CNTN4: variants seen among roughly 807,000 people sequenced by gnomAD.
CNTN4 encodes contactin-4.
In CNTN4, 77 loss-of-function variants were observed where a neutral mutation model predicts 122.5. That is an observed-to-expected ratio of 0.63 (90% CI 0.52 to 0.76). The LOEUF is 0.76. Among genes scored for constraint, CNTN4 ranks in the 30% least tolerant of loss-of-function variants. CNTN4 has a pLI of 0.00. For missense variants in CNTN4, 1,256 were observed against 1,259.1 expected (o/e 1.00, Z 0.04); for synonymous variants, 512 against 447.0 (o/e 1.15, Z -1.83).
chr3:2,586,133 C>A (rs2616570), intron 4 of CNTN4, among the ~76,000 whole-genome samples: 68,747 of 151,876 alleles, frequency 0.45, 16,266 homozygotes, highest in East Asian at 0.54. Flanking sequence ...TAAATTGGGT[C>A]AAGTAAGTGG....
At chr3:2,417,489 C>T (rs538477928) in intron 3 of CNTN4, among the ~76,000 whole-genome samples, 1 of 152,336 alleles carries the variant, frequency 6.6e-6, no homozygotes, top group African/African-American at 2.4e-5. Flanking sequence ...TGAATTTCTG[C>T]TTCATTCCGA....
rs1163532376 is a variant in CNTN4 at position 3,034,627 on chromosome 3, C to T, written c.1784-5C>T. 1.9e-6 allele frequency: 3 copies of T among 1,614,044 alleles called. No homozygotes were observed. The highest frequency in any genetic ancestry group is 1.7e-6 in the Non-Finnish European group (2 of 1,179,976). On this transcript the variant is annotated splice_region_variant and splice_polypyrimidine_tract_variant and intron_variant, in intron 16 of 24. Transcript: ENST00000418658. ...TCCAATTCTGGGGGTCTTGCTCTTT[C>T]CCAGGTCCTCCAGGTCCCCCAGAGG...
rs183838094 is a variant in CNTN4 at position 2,915,764 on chromosome 3, G to A, written c.1208-9865G>A. Among the ~76,000 whole-genome samples, 1,458 of 152,310 alleles carry A rather than the reference G, an allele frequency of 9.6e-3. 20 individuals carry two copies. Among genetic ancestry groups the A allele is most frequent in the Non-Finnish European group, 0.011 (742 of 68,032 alleles). ...GATTTGCACACCTATATTAATTGCAGTATTATTCACAATAGTCAGGAGGTG... is the reference window on the plus strand; with the variant it reads ...GATTTGCACACCTATATTAATTGCAATATTATTCACAATAGTCAGGAGGTG... On this transcript the variant is annotated intron_variant, in intron 12 of 24. Transcript: ENST00000418658.
chr3:2,435,030 G>A (rs2048211109), intron 3 of CNTN4, among the ~76,000 whole-genome samples: 2 of 152,094 alleles, frequency 1.3e-5, no homozygotes, highest in South Asian at 4.1e-4. Context: ...CTATTTCTGT[G>A]TCTTTCCAAA....
At chr3:3,055,535 T>C (rs1173661010) in intron 24 of CNTN4, among the ~76,000 whole-genome samples, 1 of 152,162 alleles carries the variant, frequency 6.6e-6, no homozygotes, top group Non-Finnish European at 1.5e-5. Context: ...ATGAAAAGTG[T>C]AAGACCCATA....
At position 2,970,747 on chromosome 3, in the gene CNTN4, A is replaced by G. The variant is rs115152347; in HGVS notation, c.1359-17598A>G. Among the ~76,000 whole-genome samples the G allele has an allele frequency of 5.6e-3, 854 of 152,222 alleles. 5 individuals carry two copies. The highest frequency in any genetic ancestry group is 0.031 in the Middle Eastern group (9 of 294). On this transcript the variant is annotated intron_variant, in intron 13 of 24. Transcript: ENST00000418658. The stretch of plus-strand genomic sequence containing the variant: ...AAGCATGAACCACCATGCCCAGCCA[A>G]TTAACACATATTTTGTATGTTATAT...
chr3:2,291,579 C>T (rs2042136191), intron 2 of CNTN4, among the ~76,000 whole-genome samples: 1 of 151,938 alleles, frequency 6.6e-6, no homozygotes, highest in Non-Finnish European at 1.5e-5. Flanking sequence ...TTCTATATTT[C>T]ACCATAGGAT....
In CNTN4 at chr3:2,709,877, G is replaced by A. The variant is rs571604873; in HGVS notation, c.56-26338G>A. Among the ~76,000 whole-genome samples, 1 of 152,098 alleles carries A rather than the reference G, an allele frequency of 6.6e-6. No homozygotes were observed. Among genetic ancestry groups the A allele is most frequent in the Non-Finnish European group, 1.5e-5 (1 of 67,980 alleles). On this transcript the variant is annotated intron_variant, in intron 4 of 24. Coordinates refer to ENST00000418658, the MANE Select transcript of CNTN4 (RefSeq NM_175607.3). This position sits in a 1 kb window ranked among gnomAD's most constrained non-coding sequence, Gnocchi z 5.0. Reference sequence around the variant, plus strand: ...ACTGCGCCACTGCACTCCAGCCTGGGTGACAGGGCAAGACCCTGTCTCAAA... The same window carrying A: ...ACTGCGCCACTGCACTCCAGCCTGGATGACAGGGCAAGACCCTGTCTCAAA...
chr3:2,466,674 A>G (rs1338996475), intron 3 of CNTN4, among the ~76,000 whole-genome samples: 1 of 152,164 alleles, frequency 6.6e-6, no homozygotes, highest in Non-Finnish European at 1.5e-5. Flanking sequence ...GGTGTCATAC[A>G]TGCATTTTGA....
chr3:2,595,247 A>G (rs906666641), intron 4 of CNTN4, among the ~76,000 whole-genome samples: 3 of 152,206 alleles, frequency 2.0e-5, no homozygotes, highest in African/African-American at 7.2e-5. Flanking sequence ...AATAAATTTC[A>G]TGGTAAAATA....
At position 2,104,948 on chromosome 3, in the gene CNTN4, G is replaced by A. The variant is rs1328450290; in HGVS notation, c.-145+4309G>A. ...TCCCATTCTTAGTGCATATGGTCTG[G>A]GTGGGATTCCGTTTCCCATTTAAGG... On this transcript the variant is annotated intron_variant, in intron 2 of 24. Transcript: ENST00000418658. Among the ~76,000 whole-genome samples, 5 of 152,076 alleles carry A rather than the reference G, an allele frequency of 3.3e-5. 1 individual carries two copies. Among genetic ancestry groups the A allele is most frequent in the Admixed American group, 3.3e-4 (5 of 15,268 alleles).
intron 13 of CNTN4, among the ~76,000 whole-genome samples, chr3:2,974,519 G>A (rs1342682916): frequency 2.6e-5 from 4 of 152,188 alleles, no homozygotes; most frequent in Non-Finnish European, 5.9e-5. Flanking sequence ...ATGGCAGTCT[G>A]GAGCCCAGAG....
intron 4 of CNTN4, among the ~76,000 whole-genome samples, chr3:2,705,876 A>G (rs867722942): frequency 1.1e-5 from 1 of 89,082 alleles, no homozygotes; most frequent in Non-Finnish European, 2.0e-5. Flanking sequence ...TATAATATAT[A>G]TTTTTTATAT....
At chr3:2,218,563 C>T (rs1249304937) in intron 2 of CNTN4, among the ~76,000 whole-genome samples, 1 of 152,156 alleles carries the variant, frequency 6.6e-6, no homozygotes, top group African/African-American at 2.4e-5. Context: ...TTTTTTGACA[C>T]ATAGCCAAGT....
rs771879678 is a variant in CNTN4 at position 2,745,516 on chromosome 3, C to T, written c.183-6C>T. On this transcript the variant is annotated splice_region_variant and splice_polypyrimidine_tract_variant and intron_variant, in intron 5 of 24. Coordinates refer to ENST00000418658, the MANE Select transcript of CNTN4 (RefSeq NM_175607.3). ...GACTTTATCTACTGGCATTTTTATA[C>T]TATAGGTGGAAGTTAAATGGAACAG... 17 of 1,611,238 alleles carry T rather than the reference C, an allele frequency of 1.1e-5. No individual in the cohort carries two copies. The East Asian group carries it at 3.8e-4, about 36-fold the overall frequency.
chr3:3,047,843 G>T (rs1037761472), intron 23 of CNTN4, among the ~76,000 whole-genome samples: 21 of 151,848 alleles, frequency 1.4e-4, no homozygotes, highest in African/African-American at 5.1e-4. Flanking sequence ...CCAGGAGCTG[G>T]TTTTTTGAAA....
chr3:2,328,647 C>T (rs1009073732), intron 2 of CNTN4, among the ~76,000 whole-genome samples: 1 of 148,998 alleles, frequency 6.7e-6, no homozygotes, highest in African/African-American at 2.5e-5. Context: ...CAACCAACTG[C>T]GGATCAATAA....
intron 2 of CNTN4, among the ~76,000 whole-genome samples, chr3:2,319,121 G>T (rs984786050): frequency 6.6e-6 from 1 of 152,080 alleles, no homozygotes; most frequent in East Asian, 1.9e-4. Context: ...AAGGAAGGAC[G>T]ATTCAAAAGG....
intron 3 of CNTN4, among the ~76,000 whole-genome samples, chr3:2,339,512 T>G (rs1236748004): frequency 6.6e-6 from 1 of 152,186 alleles, no homozygotes; most frequent in Non-Finnish European, 1.5e-5. Context: ...ATTTTAGAAT[T>G]TGTAATCATA....
Sources: gnomAD v4.1 joint callset for allele counts (sites outside exome capture counted in the v4.1 genomes callset) on GRCh38, gnomAD v4.1.1 for gene constraint, Gnocchi (gnomAD v3.1) non-coding constraint, MANE v1.5 for transcripts, NCBI Gene and HGNC (gene_info 2026-07-23, HGNC 2026-07-21) for gene names.